OPCML: variants seen among roughly 807,000 people sequenced by gnomAD.
OPCML encodes opioid-binding protein/cell adhesion molecule.
A neutral mutation model predicts 37.8 loss-of-function variants in OPCML; 13 were observed. That is an observed-to-expected ratio of 0.34 (90% CI 0.22 to 0.55). OPCML has a LOEUF of 0.55. Ranked by LOEUF, OPCML falls within the 20% of genes least tolerant of loss-of-function variation. OPCML has a pLI of 0.91. For missense variants in OPCML, 341 were observed against 435.6 expected, an observed-to-expected ratio of 0.78 and a Z score of 1.93; for synonymous variants, 176 against 168.8, an observed-to-expected ratio of 1.04 and a Z score of -0.33.
At chr11:133,001,124 T>C (rs1946993805) in intron 1 of OPCML, among the ~76,000 whole-genome samples, 1 of 152,210 alleles carries the variant, frequency 6.6e-6, no homozygotes, top group Non-Finnish European at 1.5e-5. Context: ...GGTTACCCAG[T>C]CTCAGTTATT....
chr11:133,468,398 C>T (rs140352066), intron 1 of OPCML, among the ~76,000 whole-genome samples: 2 of 152,178 alleles, frequency 1.3e-5, no homozygotes, highest in South Asian at 4.1e-4. Context: ...CTTTCTGGTT[C>T]CCAACACACT....
Position 132,852,962 on chromosome 11 carries a change from A to T in OPCML, c.146+89964T>A, listed in dbSNP as rs546653460. Among the ~76,000 whole-genome samples the T allele has an allele frequency of 3.3e-5, 5 of 152,302 alleles. No individual in the cohort carries two copies. In the East Asian group the frequency reaches 9.6e-4, roughly 29 times the overall value. ...CACCTTATGTAGCCCGCAAAGCCTA[A>T]AATATTTTCTTTCTGGTCCTTACAG... On this transcript the variant is annotated intron_variant, in intron 2 of 7. Transcript: ENST00000524381.
chr11:133,517,213 T>C lies in OPCML; in HGVS notation c.61+15051A>G, dbSNP rs115712243. Among the ~76,000 whole-genome samples the C allele has an allele frequency of 9.1e-4, 139 of 152,382 alleles. 1 individual carries two copies. The highest frequency in any genetic ancestry group is 3.2e-3 in the African/African-American group (133 of 41,594). On this transcript the variant is annotated intron_variant, in intron 1 of 7. Transcript: ENST00000524381. ...AGGAATATCAGAATTCCTACTTTTATCTATTTTTATCTTACTCTTTTTATC... is the reference window on the plus strand; with the variant it reads ...AGGAATATCAGAATTCCTACTTTTACCTATTTTTATCTTACTCTTTTTATC...
intron 1 of OPCML, among the ~76,000 whole-genome samples, chr11:133,529,791 A>G (rs541041950): frequency 1.3e-5 from 2 of 152,322 alleles, no homozygotes; most frequent in East Asian, 3.9e-4. Context: ...AACAAAGAAA[A>G]AAAAGTCTAA....
chr11:132,682,091 T>C (rs902274966), intron 2 of OPCML, among the ~76,000 whole-genome samples: 2 of 152,162 alleles, frequency 1.3e-5, no homozygotes, highest in African/African-American at 4.8e-5. Flanking sequence ...TCCCCCCAGA[T>C]GCTGCTGCAT....
At position 132,505,362 on chromosome 11, in the gene OPCML, C is replaced by T. The variant is rs573572125; in HGVS notation, c.505+23699G>A. Reference sequence around the variant, plus strand: ...TCAATTCATGTGATCGAGCCGTACACTTAAAAAGGTTAAAGTGGTAAGTTT... The same window carrying T: ...TCAATTCATGTGATCGAGCCGTACATTTAAAAAGGTTAAAGTGGTAAGTTT... On this transcript the variant is annotated intron_variant, in intron 4 of 7. Coordinates refer to ENST00000524381, the MANE Select transcript of OPCML (RefSeq NM_001012393.5). Among the ~76,000 whole-genome samples the T allele has an allele frequency of 2.6e-5, 4 of 152,292 alleles. No homozygotes were observed. In the East Asian group the frequency reaches 7.7e-4, roughly 29 times the overall value.
At chr11:132,917,224 T>C (rs1040209798) in intron 2 of OPCML, among the ~76,000 whole-genome samples, 3 of 152,232 alleles carry the variant, frequency 2.0e-5, no homozygotes, top group Admixed American at 6.5e-5. Flanking sequence ...CACTGTATTA[T>C]AACTTGCCTG....
intron 1 of OPCML, among the ~76,000 whole-genome samples, chr11:133,202,872 C>T (rs1938859433): frequency 1.3e-5 from 2 of 152,214 alleles, no homozygotes; most frequent in Admixed American, 6.5e-5. Context: ...TTTGAAGCCT[C>T]CCTCCCGGAC....
At chr11:132,772,748 A>G (rs1946680472) in intron 2 of OPCML, 1 of 152,230 alleles carries the variant, frequency 6.6e-6, no homozygotes, top group South Asian at 2.1e-4. Flanking sequence ...TCCACAGCTT[A>G]AATAAAAATG....
chr11:132,875,838 G>A (rs1942989932), intron 2 of OPCML, among the ~76,000 whole-genome samples: 1 of 152,162 alleles, frequency 6.6e-6, no homozygotes, highest in Admixed American at 6.5e-5. Flanking sequence ...CAAGATGAGA[G>A]CCTGGGTTCC....
At chr11:133,331,775 G>A (rs986682639) in intron 1 of OPCML, among the ~76,000 whole-genome samples, 1 of 151,666 alleles carries the variant, frequency 6.6e-6, no homozygotes, top group South Asian at 2.1e-4. Context: ...TTGCACATAG[G>A]CCATCTTTCC....
intron 1 of OPCML, among the ~76,000 whole-genome samples, chr11:133,486,318 C>T (rs989155152): frequency 1.3e-5 from 2 of 152,202 alleles, no homozygotes; most frequent in African/African-American, 4.8e-5. Context: ...CCAAACTCAA[C>T]ATGTCTTTGT....
intron 1 of OPCML, among the ~76,000 whole-genome samples, chr11:133,122,815 T>A (rs904436480): frequency 2.0e-5 from 3 of 152,160 alleles, no homozygotes; most frequent in Non-Finnish European, 4.4e-5. Flanking sequence ...GAATCTAGCA[T>A]CTCTCTCAAT....
In OPCML at chr11:132,653,403, G is replaced by T. The variant is rs758784462; in HGVS notation, c.379+3684C>A. On this transcript the variant is annotated intron_variant, in intron 3 of 7. Coordinates refer to ENST00000524381, the MANE Select transcript of OPCML (RefSeq NM_001012393.5). ...TGCGCTTGTGCCTCCAGCTTCTCCC[G>T]CTTTAGCTCCTGCTCTGCGGGGCTG... 2.0e-5 allele frequency among the ~76,000 whole-genome samples: 3 copies of T among 152,196 alleles called. No individual in the cohort carries two copies. The East Asian group carries it at 5.8e-4, about 30-fold the overall frequency.
intron 1 of OPCML, among the ~76,000 whole-genome samples, chr11:133,483,346 T>TATAG (rs1021932898): frequency 4.6e-5 from 4 of 86,508 alleles, no homozygotes; most frequent in Non-Finnish European, 8.6e-5. Flanking sequence ...AGATAATAGA[T>TATAG]ATAGATAGAT....
At chr11:133,034,308 G>GGTGTGTGTGTGTGTGTGT (rs71038514) in intron 1 of OPCML, among the ~76,000 whole-genome samples, 329 of 143,524 alleles carry the variant, frequency 2.3e-3, no homozygotes, top group East Asian at 6.1e-3. Flanking sequence ...TGTATGTATA[G>GGTGTGTGTGTGTGTGTGT]GTGTGTGTGT....
intron 2 of OPCML, among the ~76,000 whole-genome samples, chr11:132,922,954 A>T (rs1054914596): frequency 6.6e-6 from 1 of 151,832 alleles, no homozygotes; most frequent in African/African-American, 2.4e-5. Context: ...GTGGTGGTGC[A>T]TGCCAGCTCC....
At chr11:132,757,753 T>C (rs1333193813) in intron 2 of OPCML, among the ~76,000 whole-genome samples, 4 of 152,244 alleles carry the variant, frequency 2.6e-5, no homozygotes, top group Non-Finnish European at 5.9e-5. Context: ...AGGTTGCCTG[T>C]TCACTCTGAT....
At chr11:133,502,370 C>CG (rs1947935462) in intron 1 of OPCML, among the ~76,000 whole-genome samples, 1 of 152,172 alleles carries the variant, frequency 6.6e-6, no homozygotes, top group Non-Finnish European at 1.5e-5. Context: ...GGCAGGGTGA[C>CG]GCAGTCCATG....
Sources: allele counts gnomAD v4.1 joint callset (sites outside exome capture counted in the v4.1 genomes callset), GRCh38; gene constraint gnomAD v4.1.1; transcripts MANE v1.5; gene names NCBI Gene and HGNC (gene_info 2026-07-23, HGNC 2026-07-21).